ADGRL3: variants seen among roughly 807,000 people sequenced by gnomAD.
The protein encoded by ADGRL3 is calcium-independent alpha-latrotoxin receptor 3.
A neutral mutation model predicts 153.5 loss-of-function variants in ADGRL3; 62 were observed. That is an observed-to-expected ratio of 0.40 (90% confidence interval 0.33 to 0.50). ADGRL3 has a LOEUF of 0.50. ADGRL3 is among the 20% of genes least tolerant of loss of function. ADGRL3 has a pLI of 0.47. For missense variants in ADGRL3, 1,641 were observed against 1,859.4 expected (o/e 0.88, Z 2.16); for synonymous variants, 710 against 672.5 (o/e 1.06, Z -0.86).
At chr4:61,266,293 A>G (rs1194363868) in intron 1 of ADGRL3, among the ~76,000 whole-genome samples, 2 of 151,752 alleles carry the variant, frequency 1.3e-5, no homozygotes, top group Non-Finnish European at 3.0e-5. Context: ...GATGTTTTCT[A>G]GGCTTTTTCT....
chr4:61,873,046 G>A (rs1328561745), intron 9 of ADGRL3, among the ~76,000 whole-genome samples: 2 of 152,168 alleles, frequency 1.3e-5, no homozygotes, highest in Non-Finnish European at 2.9e-5. Flanking sequence ...GATAAAACTT[G>A]TTTCAAAGAG....
intron 1 of ADGRL3, among the ~76,000 whole-genome samples, chr4:61,241,000 A>T (rs1754698891): frequency 6.6e-6 from 1 of 152,078 alleles, no homozygotes; most frequent in Non-Finnish European, 1.5e-5. Context: ...AATCTTATGC[A>T]TTAGTTCATT....
At chr4:61,534,155 TC>T (rs2098640675) in intron 4 of ADGRL3, among the ~76,000 whole-genome samples, 1 of 152,312 alleles carries the variant, frequency 6.6e-6, no homozygotes, top group Non-Finnish European at 1.5e-5. Flanking sequence ...GTTTCATTTT[TC>T]TGCATATGGC....
intron 2 of ADGRL3, among the ~76,000 whole-genome samples, chr4:61,433,306 A>AG (rs2097398282): frequency 6.6e-6 from 1 of 152,066 alleles, no homozygotes; most frequent in East Asian, 1.9e-4. Flanking sequence ...ATGTTTACCA[A>AG]GGAATAGCTT....
chr4:61,804,708 T>C (rs535793324), intron 8 of ADGRL3, among the ~76,000 whole-genome samples: 30 of 152,318 alleles, frequency 2.0e-4, no homozygotes, highest in African/African-American at 5.8e-4. Flanking sequence ...AGAGCTTATA[T>C]GAAGAATGCC....
intron 8 of ADGRL3, among the ~76,000 whole-genome samples, chr4:61,747,458 A>G (rs1375729948): frequency 1.3e-5 from 2 of 151,170 alleles, no homozygotes; most frequent in African/African-American, 4.9e-5. Flanking sequence ...AAAATCCTCA[A>G]TAAAATACTG....
At chr4:62,061,003 G>A (rs548279282) in intron 25 of ADGRL3, among the ~76,000 whole-genome samples, 15 of 151,832 alleles carry the variant, frequency 9.9e-5, no homozygotes, top group African/African-American at 3.6e-4. Context: ...GAATGAACTG[G>A]TGCCTTCCAA....
intron 4 of ADGRL3, among the ~76,000 whole-genome samples, chr4:61,562,416 A>T (rs2098799026): frequency 1.3e-5 from 2 of 152,168 alleles, no homozygotes; most frequent in Admixed American, 1.3e-4. Flanking sequence ...ATGCAAGGTT[A>T]TTTGACAGCA....
intron 9 of ADGRL3, among the ~76,000 whole-genome samples, chr4:61,843,507 G>GATCCA (rs2098065205): frequency 6.6e-6 from 1 of 152,110 alleles, no homozygotes. Context: ...GATACAATAT[G>GATCCA]CAAGAGGAGC....
intron 6 of ADGRL3, among the ~76,000 whole-genome samples, chr4:61,708,102 A>G (rs1049214264): frequency 6.6e-6 from 1 of 152,042 alleles, no homozygotes; most frequent in Admixed American, 6.6e-5. Context: ...TTATTGGATT[A>G]TTTCCAAACT....
At chr4:61,899,247 C>G (rs1437433903) in intron 11 of ADGRL3, among the ~76,000 whole-genome samples, 1 of 152,124 alleles carries the variant, frequency 6.6e-6, no homozygotes, top group Non-Finnish European at 1.5e-5. Context: ...CCATCTCCTT[C>G]TCTTTCCTTT....
intron 2 of ADGRL3, among the ~76,000 whole-genome samples, chr4:61,413,465 T>G (rs1202236563): frequency 6.6e-6 from 1 of 151,984 alleles, no homozygotes; most frequent in African/African-American, 2.4e-5. Context: ...ACACCACCTT[T>G]TTGGGGGTTG....
intron 1 of ADGRL3, among the ~76,000 whole-genome samples, chr4:61,341,207 A>G (rs950843022): frequency 1.3e-5 from 2 of 152,016 alleles, no homozygotes; most frequent in African/African-American, 4.8e-5. Flanking sequence ...TTAAATTTAT[A>G]AACTATTGAA....
intron 1 of ADGRL3, among the ~76,000 whole-genome samples, chr4:61,282,670 C>T (rs902043946): frequency 6.6e-6 from 1 of 151,568 alleles, no homozygotes; most frequent in African/African-American, 2.4e-5. Context: ...TTTCTTAGTT[C>T]CTATACATAC....
chr4:61,270,578 T>C (rs1350454100), intron 1 of ADGRL3, among the ~76,000 whole-genome samples: 1 of 151,802 alleles, frequency 6.6e-6, no homozygotes, highest in African/African-American at 2.4e-5. Context: ...ACTTTGCGTA[T>C]AACATAGCGA....
At chr4:61,970,958 G>A (rs2099024914) in intron 17 of ADGRL3, among the ~76,000 whole-genome samples, 1 of 151,866 alleles carries the variant, frequency 6.6e-6, no homozygotes, top group South Asian at 2.1e-4. Flanking sequence ...TCCGAAAATA[G>A]GCTTTTTGGA....
At chr4:61,518,685 G>A (rs1467969316) in intron 4 of ADGRL3, among the ~76,000 whole-genome samples, 1 of 152,166 alleles carries the variant, frequency 6.6e-6, no homozygotes, top group African/African-American at 2.4e-5. Flanking sequence ...ATTCAGATTG[G>A]CCTTTCTGCC....
intron 5 of ADGRL3, among the ~76,000 whole-genome samples, chr4:61,653,139 C>G (rs1319249040): frequency 8.2e-6 from 1 of 121,612 alleles, no homozygotes; most frequent in East Asian, 2.2e-4. Flanking sequence ...GCCTCTCTCT[C>G]TCTCTCTCTC....
chr4:61,839,357 A>AT (rs936271371), intron 9 of ADGRL3, among the ~76,000 whole-genome samples: 33 of 149,656 alleles, frequency 2.2e-4, no homozygotes, highest in South Asian at 2.1e-4. Context: ...TGCCCAGCTA[A>AT]TTTTTTTTTT....
Sources: gnomAD v4.1 joint callset for allele counts (sites outside exome capture counted in the v4.1 genomes callset) on GRCh38, gnomAD v4.1.1 for gene constraint, MANE v1.5 for transcripts, NCBI Gene and HGNC (gene_info 2026-07-23, HGNC 2026-07-21) for gene names.